TAF15: variants seen among roughly 807,000 people sequenced by gnomAD.
The protein encoded by TAF15 is TATA-box binding protein associated factor 15, also known as TATA-binding protein-associated factor 2N.
A neutral mutation model predicts 102.5 loss-of-function variants in TAF15; 37 were observed. The ratio of observed to expected loss-of-function variants is 0.36; its 90% CI spans 0.28 to 0.47. The LOEUF (loss-of-function observed/expected upper bound fraction) is 0.47, where lower values mean the gene tolerates loss of function less well. Ranked by LOEUF, TAF15 falls within the 20% of genes least tolerant of loss-of-function variation. The pLI is 0.99. For synonymous variants in TAF15, 273 were observed against 259.2 expected (o/e 1.05, Z -0.51); for missense variants, 652 against 760.7 (o/e 0.86, Z 1.68).
chr17:35,842,340 C>T, intron 11 of TAF15, 27 bp from the exon 12 acceptor site: 1 of 1,579,574 alleles, frequency 6.3e-7, no homozygotes, highest in Admixed American at 1.7e-5. Flanking sequence ...AGTAGCATTG[C>T]TTCAAAGCTG....
chr17:35,814,966 G>A (rs977000265), intron 1 of TAF15, among the ~76,000 whole-genome samples: 1 of 151,996 alleles, frequency 6.6e-6, no homozygotes, highest in African/African-American at 2.4e-5. Flanking sequence ...ATACCTCTTT[G>A]TGTAATTAAT....
chr17:35,817,165 A>T (rs2087205899), intron 1 of TAF15: 1 of 152,056 alleles, frequency 6.6e-6, no homozygotes, highest in African/African-American at 2.4e-5. Flanking sequence ...TTGCTGTGCC[A>T]ATTGGCTGAA....
chr17:35,833,124 TTCA>T (rs2087426828), intron 7 of TAF15, among the ~76,000 whole-genome samples: 1 of 151,722 alleles, frequency 6.6e-6, no homozygotes, highest in African/African-American at 2.4e-5. Flanking sequence ...ACCACTGCAC[TTCA>T]GCCTGGGTGA....
In TAF15 at chr17:35,809,511, G is replaced by C; in HGVS notation, c.-59G>C. ...TACAGCTCCGGCCGCCGCGCCGCCT[G>C]GCTTTCGTATTCGTTGTTCTCGGCG... On this transcript the variant is annotated 5_prime_UTR_variant, in exon 1 of 16. Transcript: ENST00000605844. The C allele has an allele frequency of 6.2e-7, 1 of 1,610,966 alleles. No individual in the cohort carries two copies.
chr17:35,836,410 G>T (rs1364696576), intron 10 of TAF15, among the ~76,000 whole-genome samples, 169 bp downstream of exon 10: 6 of 152,132 alleles, frequency 3.9e-5, no homozygotes, highest in African/African-American at 1.2e-4. Flanking sequence ...AATATATGAA[G>T]ATTTTATTCC....
intron 1 of TAF15, among the ~76,000 whole-genome samples, chr17:35,814,584 C>T (rs1420312236): frequency 2.0e-5 from 3 of 151,548 alleles, no homozygotes; most frequent in Non-Finnish European, 2.9e-5. Context: ...ATACAGAAAA[C>T]AGGCCCACCT....
intron 12 of TAF15, among the ~76,000 whole-genome samples, 180 bp from the exon 13 acceptor site, chr17:35,843,897 G>A (rs536401430): frequency 6.6e-6 from 1 of 152,268 alleles, no homozygotes; most frequent in East Asian, 1.9e-4. Context: ...TGTTTTCAAG[G>A]TCCTCTGTTT....
chr17:35,816,034 C>T lies in TAF15; in HGVS notation c.8-1682C>T, dbSNP rs57557295. Among the ~76,000 whole-genome samples the T allele has an allele frequency of 8.6e-3, 1,305 of 152,118 alleles. 26 individuals carry two copies. The highest frequency in any genetic ancestry group is 0.03 in the African/African-American group (1,225 of 41,466). ...TGGAGTGCAGTGGTGCAATCATGAC[C>T]CACTGCAGCCTCGACCTCCTGGGCT... On this transcript the variant is annotated intron_variant, in intron 1 of 15. Transcript: ENST00000605844.
At chr17:35,831,888 C>T (rs1370668350) in intron 7 of TAF15, among the ~76,000 whole-genome samples, 2 of 151,734 alleles carry the variant, frequency 1.3e-5, no homozygotes, top group Non-Finnish European at 2.9e-5. Flanking sequence ...CGAGACCATC[C>T]TGGCCAACAC....
intron 11 of TAF15, among the ~76,000 whole-genome samples, chr17:35,839,633 C>G (rs56059328): frequency 1.3e-5 from 2 of 152,028 alleles, no homozygotes; most frequent in African/African-American, 4.8e-5. Flanking sequence ...CCGCCCACCT[C>G]GGCCTCCCAA....
chr17:35,839,425 G>C (rs1382290180), intron 11 of TAF15, among the ~76,000 whole-genome samples: 38 of 119,038 alleles, frequency 3.2e-4, no homozygotes, highest in African/African-American at 1.2e-3. Flanking sequence ...TTTGTCTCCC[G>C]GGCTGGAGTG....
At chr17:35,823,811 G>C in intron 6 of TAF15, 2 of 510,198 alleles carry the variant, frequency 3.9e-6, no homozygotes, top group Non-Finnish European at 7.1e-6. Flanking sequence ...CCACATTACT[G>C]TTTTGCCATG....
intron 2 of TAF15, chr17:35,818,676 T>C (rs1209739385): frequency 1.3e-5 from 2 of 152,024 alleles, no homozygotes; most frequent in East Asian, 3.9e-4. Flanking sequence ...CCAGACATAG[T>C]GGTGTGTACC....
At chr17:35,819,124 T>C (rs565488853) in intron 2 of TAF15, among the ~76,000 whole-genome samples, 6 of 152,286 alleles carry the variant, frequency 3.9e-5, no homozygotes, top group Non-Finnish European at 8.8e-5. Context: ...ATTTTAAGCT[T>C]CCTGAAAAAC....
At chr17:35,822,539 T>C (rs892804166) in intron 5 of TAF15, 101 bp from the exon 6 acceptor site, 3 of 1,048,816 alleles carry the variant, frequency 2.9e-6, no homozygotes, top group Non-Finnish European at 4.3e-6. Context: ...ATATGGTTAA[T>C]GTCTCTAACT....
chr17:35,836,884 TC>T (rs2087481678), intron 10 of TAF15, among the ~76,000 whole-genome samples: 1 of 151,756 alleles, frequency 6.6e-6, no homozygotes, highest in South Asian at 2.1e-4. Context: ...TTCAAGTGAT[TC>T]TCCTGCCTCA....
chr17:35,826,769 T>C (rs2087335510), intron 7 of TAF15, among the ~76,000 whole-genome samples: 1 of 147,892 alleles, frequency 6.8e-6, no homozygotes, highest in African/African-American at 2.5e-5. Context: ...GGTTTCACCG[T>C]GTTAGCTAGG....
intron 5 of TAF15, among the ~76,000 whole-genome samples, chr17:35,822,376 G>T (rs2087271880): frequency 6.6e-6 from 1 of 151,164 alleles, no homozygotes; most frequent in South Asian, 2.1e-4. Flanking sequence ...CAAGGAGATA[G>T]TAAAAAGCCA....
In TAF15 at chr17:35,809,505, C is replaced by T. The variant is rs547388231; in HGVS notation, c.-65C>T. Reference sequence around the variant, plus strand: ...CCTCAGTACAGCTCCGGCCGCCGCGCCGCCTGGCTTTCGTATTCGTTGTTC... The same window carrying T: ...CCTCAGTACAGCTCCGGCCGCCGCGTCGCCTGGCTTTCGTATTCGTTGTTC... On this transcript the variant is annotated 5_prime_UTR_variant, in exon 1 of 16. Coordinates refer to ENST00000605844, the MANE Select transcript of TAF15 (RefSeq NM_139215.3). 2 of 1,609,610 alleles carry T rather than the reference C, an allele frequency of 1.2e-6. No individual in the cohort carries two copies. Among genetic ancestry groups the T allele is most frequent in the East Asian group, 4.5e-5 (2 of 44,842 alleles).
Sources: allele counts gnomAD v4.1 joint callset (sites outside exome capture counted in the v4.1 genomes callset), GRCh38; gene constraint gnomAD v4.1.1; transcripts MANE v1.5; gene names NCBI Gene and HGNC (gene_info 2026-07-23, HGNC 2026-07-21).